Variants in PINX1 observed in about 807,000 individuals in gnomAD.
PINX1 encodes PIN2/TERF1-interacting telomerase inhibitor 1.
A neutral mutation model predicts 25.4 loss-of-function variants in PINX1; 34 were observed. The observed-to-expected ratio is 1.34, with a 90% CI of 1.02 to 1.78. The LOEUF is 1.78. PINX1 is among the 40% of genes most tolerant of loss of function. The probability of loss-of-function intolerance (pLI) is 0.00; values close to 1 mark genes in which losing one functional copy is unlikely to be tolerated. For missense variants in PINX1, 592 were observed against 404.9 expected (o/e 1.46, Z -3.97); for synonymous variants, 197 against 147.7 (o/e 1.33, Z -2.42).
intron 4 of PINX1, among the ~76,000 whole-genome samples, chr8:10,827,004 A>G (rs150217687): frequency 6.6e-6 from 1 of 152,310 alleles, no homozygotes; most frequent in African/African-American, 2.4e-5. Context: ...CCAAAAAAAG[A>G]TGATGAAAAC....
intron 6 of PINX1, among the ~76,000 whole-genome samples, chr8:10,792,331 CA>C (rs1801949882): frequency 6.6e-6 from 1 of 151,964 alleles, no homozygotes; most frequent in African/African-American, 2.4e-5. Context: ...TATGGACTAG[CA>C]AGGACAACAC....
At chr8:10,808,684 G>T (rs910993547) in intron 6 of PINX1, among the ~76,000 whole-genome samples, 1 of 152,202 alleles carries the variant, frequency 6.6e-6, no homozygotes, top group Non-Finnish European at 1.5e-5. Flanking sequence ...CCAGAAGCTG[G>T]AGATCTTAAC....
intron 6 of PINX1, among the ~76,000 whole-genome samples, chr8:10,782,182 A>C (rs1801606403): frequency 6.6e-6 from 1 of 152,166 alleles, no homozygotes; most frequent in Non-Finnish European, 1.5e-5. Flanking sequence ...GGGGGATAGA[A>C]ATGGGGAGAT....
rs1324736117 is a variant in PINX1, at chr8:10,805,410, G to A, written c.471+14783C>T. Among the ~76,000 whole-genome samples, 5 of 152,266 alleles carry A rather than the reference G, an allele frequency of 3.3e-5. 1 individual carries two copies. The highest frequency in any genetic ancestry group is 7.3e-5 in the Non-Finnish European group (5 of 68,050). ...TACACTTTAGACAACCAGAGTACTC[G>A]AAGATTGATGCTTAACTTGCAGGAA... is the stretch of plus-strand genomic sequence containing the variant. On this transcript the variant is annotated intron_variant, in intron 6 of 6. Coordinates refer to ENST00000314787, the MANE Select transcript of PINX1 (RefSeq NM_017884.6).
At chr8:10,829,167 T>C (rs1022709387) in intron 4 of PINX1, among the ~76,000 whole-genome samples, 2 of 150,988 alleles carry the variant, frequency 1.3e-5, no homozygotes, top group Non-Finnish European at 2.9e-5. Flanking sequence ...GCACCTGTAA[T>C]CCCAGCTACT....
chr8:10,813,013 G>A (rs561205242), intron 6 of PINX1, among the ~76,000 whole-genome samples: 11 of 152,198 alleles, frequency 7.2e-5, no homozygotes, highest in Non-Finnish European at 1.3e-4. Flanking sequence ...CAGTGAAAAT[G>A]TTTTGGCCAA....
rs182611452 is a variant in PINX1 at position 10,797,561 on chromosome 8, G to A, written c.471+22632C>T. Among the ~76,000 whole-genome samples the A allele has an allele frequency of 1.7e-4, 26 of 152,232 alleles. 1 individual carries two copies. The highest frequency in any genetic ancestry group is 7.2e-4 in the Admixed American group (11 of 15,288). On this transcript the variant is annotated intron_variant, in intron 6 of 6. Coordinates refer to ENST00000314787, the MANE Select transcript of PINX1 (RefSeq NM_017884.6). ...GTCATGTAGATTACTGCAGCTTCAG[G>A]AATATATGTAAGCCACTATTTTATT... is the stretch of plus-strand genomic sequence containing the variant.
At chr8:10,836,768 A>C (rs1348505222) in intron 1 of PINX1, among the ~76,000 whole-genome samples, 1 of 152,184 alleles carries the variant, frequency 6.6e-6, no homozygotes, top group South Asian at 2.1e-4. Context: ...AATCTCCCGG[A>C]AACTTTACTA....
At chr8:10,813,838 T>TAAGG (rs932326012) in intron 6 of PINX1, among the ~76,000 whole-genome samples, 3 of 142,592 alleles carry the variant, frequency 2.1e-5, no homozygotes, top group Non-Finnish European at 4.5e-5. Flanking sequence ...TCTCTAGTGA[T>TAAGG]AAGGCTCAAT....
At chr8:10,790,211 C>T (rs1481224297) in intron 6 of PINX1, among the ~76,000 whole-genome samples, 1 of 152,116 alleles carries the variant, frequency 6.6e-6, no homozygotes, top group African/African-American at 2.4e-5. Flanking sequence ...AGCGATCTAA[C>T]GGGGCTGAAT....
chr8:10,776,374 G>A (rs759364453), intron 6 of PINX1, among the ~76,000 whole-genome samples: 1 of 151,968 alleles, frequency 6.6e-6, no homozygotes, highest in African/African-American at 2.4e-5. Flanking sequence ...GCAGTGAGCC[G>A]AAGTCGTGCC....
chr8:10,838,790 G>T (rs146172592), intron 1 of PINX1, among the ~76,000 whole-genome samples: 1 of 152,140 alleles, frequency 6.6e-6, no homozygotes, highest in Admixed American at 6.5e-5. Flanking sequence ...GATCAATTTT[G>T]CCATTTTCTA....
intron 6 of PINX1, among the ~76,000 whole-genome samples, chr8:10,785,654 C>T (rs9657541): frequency 0.17 from 25,841 of 152,168 alleles, 2,336 homozygotes; most frequent in Middle Eastern, 0.26. Context: ...CAAAAGTTCT[C>T]AAACCCCAAA....
At chr8:10,814,506 T>C (rs561640687) in intron 6 of PINX1, among the ~76,000 whole-genome samples, 3 of 152,308 alleles carry the variant, frequency 2.0e-5, no homozygotes, top group African/African-American at 7.2e-5. Flanking sequence ...AAATGCAAGG[T>C]CTGAAAGCCA....
chr8:10,782,170 G>A (rs1423524895), intron 6 of PINX1, among the ~76,000 whole-genome samples: 1 of 152,178 alleles, frequency 6.6e-6, no homozygotes, highest in Admixed American at 6.5e-5. Context: ...CTGGAGCAGG[G>A]TGGGGGATAG....
chr8:10,822,669 T>C (rs1003331055), intron 5 of PINX1, among the ~76,000 whole-genome samples: 2 of 152,126 alleles, frequency 1.3e-5, no homozygotes, highest in South Asian at 2.1e-4. Context: ...TACCAAGAAA[T>C]ACACATGGGA....
At chr8:10,778,306 G>A (rs1341088748) in intron 6 of PINX1, among the ~76,000 whole-genome samples, 3 of 151,954 alleles carry the variant, frequency 2.0e-5, no homozygotes, top group Admixed American at 6.6e-5. Context: ...ATTCAACCTG[G>A]AATATCAATA....
intron 6 of PINX1, among the ~76,000 whole-genome samples, chr8:10,787,185 T>C (rs529269610): frequency 2.0e-5 from 3 of 151,962 alleles, no homozygotes; most frequent in Non-Finnish European, 4.4e-5. Context: ...TTTACATATA[T>C]ATACACACAT....
intron 5 of PINX1, among the ~76,000 whole-genome samples, chr8:10,822,288 T>C (rs1173134602): frequency 6.6e-6 from 1 of 152,212 alleles, no homozygotes; most frequent in Non-Finnish European, 1.5e-5. Context: ...CGCTTTTGAA[T>C]AAATACGACA....
Sources: gnomAD v4.1 joint callset for allele counts (sites outside exome capture counted in the v4.1 genomes callset) on GRCh38, gnomAD v4.1.1 for gene constraint, MANE v1.5 for transcripts, NCBI Gene and HGNC (gene_info 2026-07-23, HGNC 2026-07-21) for gene names.